Variants in ZNF608 observed in about 807,000 individuals in gnomAD.
ZNF608 encodes the protein zinc finger protein 608, also known as renal carcinoma antigen NY-REN-36.
Under a neutral mutation model 109.0 loss-of-function variants are expected in ZNF608, and 12 were observed. The ratio of observed to expected loss-of-function variants is 0.11; its 90% CI spans 0.07 to 0.18. ZNF608 has a LOEUF of 0.18. Among genes scored for constraint, ZNF608 ranks in the 10% least tolerant of loss-of-function variants. The probability of loss-of-function intolerance (pLI) is 1.00; values close to 1 mark genes in which losing one functional copy is unlikely to be tolerated. For synonymous variants in ZNF608, 732 were observed against 717.4 expected (o/e 1.02, Z -0.33); for missense variants, 1,707 against 1,879.3 (o/e 0.91, Z 1.70).
In ZNF608 at chr5:124,646,091, G is replaced by A. The variant is rs553078252; in HGVS notation, c.3705+588C>T. ...AAATTAAGGGATCCTGGCCAGGCGC[G>A]GTGGCTCACGCCTGTAATCCCAGCA... On this transcript the variant is annotated intron_variant, in intron 5 of 9. Coordinates refer to ENST00000513986, the MANE Select transcript of ZNF608 (RefSeq NM_020747.3). Among the ~76,000 whole-genome samples the A allele has an allele frequency of 3.9e-5, 6 of 152,278 alleles. No homozygotes were observed. The East Asian group carries it at 5.8e-4, about 15-fold the overall frequency.
intron 3 of ZNF608, among the ~76,000 whole-genome samples, chr5:124,679,604 C>A (rs996133768): frequency 2.0e-5 from 3 of 152,180 alleles, no homozygotes; most frequent in Middle Eastern, 3.2e-3. Context: ...CTTTTACAGT[C>A]TCCACTCAAG....
chr5:124,652,767 CCA>C (rs1750848318), intron 3 of ZNF608, among the ~76,000 whole-genome samples: 1 of 152,002 alleles, frequency 6.6e-6, no homozygotes, highest in Non-Finnish European at 1.5e-5. Flanking sequence ...ATTTTATAAC[CCA>C]CAGTCACATA....
intron 2 of ZNF608, among the ~76,000 whole-genome samples, chr5:124,707,258 C>G (rs556302630): frequency 1.3e-5 from 2 of 152,270 alleles, no homozygotes; most frequent in South Asian, 4.1e-4. Context: ...TCCACCCAGA[C>G]CCAACAAAGA....
chr5:124,638,851 C>G, intron 9 of ZNF608: 1 of 1,138,420 alleles, frequency 8.8e-7, no homozygotes, highest in Non-Finnish European at 1.1e-6. Context: ...CAAAGGGAGT[C>G]ATGGTGAATT....
intron 2 of ZNF608, among the ~76,000 whole-genome samples, chr5:124,741,816 G>A (rs1749420769): frequency 6.6e-6 from 1 of 152,156 alleles, no homozygotes; most frequent in Non-Finnish European, 1.5e-5. Flanking sequence ...TCATTCTCAG[G>A]GTGAAGTGGG....
At chr5:124,729,019 T>G (rs1202129693) in intron 2 of ZNF608, among the ~76,000 whole-genome samples, 1 of 152,132 alleles carries the variant, frequency 6.6e-6, no homozygotes, top group Non-Finnish European at 1.5e-5. Flanking sequence ...TATTCTAACT[T>G]TACAAAAGGG....
upstream of ZNF608, among the ~76,000 whole-genome samples, chr5:124,748,176 G>C (rs1047394805): frequency 2.0e-4 from 30 of 152,226 alleles, no homozygotes; most frequent in East Asian, 5.2e-3. Flanking sequence ...TTCCTGGATC[G>C]CTTTGGGAGG....
Position 124,649,049 on chromosome 5 carries a change from C to T in ZNF608, c.1335G>A (p.Pro445=), listed in dbSNP as rs369055811. The T allele has an allele frequency of 1.9e-6, 3 of 1,613,940 alleles. No homozygotes were observed. Among genetic ancestry groups the T allele is most frequent in the African/African-American group, 1.3e-5 (1 of 74,896 alleles). The change falls in exon 5 of 10, where the codon CCG becomes CCA. Residue 445 remains proline, a synonymous_variant. Coordinates refer to ENST00000513986, the MANE Select transcript of ZNF608 (RefSeq NM_020747.3). ...ACTCTGTGAAGCTGGCCTCGGAGCC[C>T]GGGGCAGCAGCAGCAGACCTCGCTC... is the stretch of plus-strand genomic sequence containing the variant. The part of the protein sequence containing the change: ...GKRARSAAAA[P]GSEASFTESR...
chr5:124,710,130 T>C, intron 2 of ZNF608: 1 of 434,788 alleles, frequency 2.3e-6, no homozygotes, highest in Non-Finnish European at 4.5e-6. Context: ...CCCTTATTTC[T>C]CCTTGAAATT....
Position 124,701,392 on chromosome 5 carries a change from T to C in ZNF608, c.907-123A>G, listed in dbSNP as rs1216060776. 2.3e-6 allele frequency: 3 copies of C among 1,291,930 alleles called. No homozygotes were observed. In the Admixed American group the frequency reaches 6.9e-5, roughly 30 times the overall value. The allele number at this position is 1,291,930 out of a possible 1,614,324, so 80.0% of individuals were successfully genotyped here. ...AATTCCATTTGCAATTATAATATGC[T>C]TTGAGTGTTTTAATGGTGCCAAAAT... On this transcript the variant is annotated intron_variant, in intron 2 of 9. Coordinates refer to ENST00000513986, the MANE Select transcript of ZNF608 (RefSeq NM_020747.3).
At chr5:124,691,721 G>A (rs976062681) in intron 3 of ZNF608, among the ~76,000 whole-genome samples, 2 of 152,164 alleles carry the variant, frequency 1.3e-5, no homozygotes, top group African/African-American at 2.4e-5. Context: ...AAATGAGCCA[G>A]TCACATAATT....
chr5:124,713,901 T>C (rs1753595561), intron 2 of ZNF608, among the ~76,000 whole-genome samples: 1 of 152,018 alleles, frequency 6.6e-6, no homozygotes, highest in Non-Finnish European at 1.5e-5. Context: ...GAATGAAAAA[T>C]AATAATAAAT....
chr5:124,685,619 A>G (rs557117280), intron 3 of ZNF608, among the ~76,000 whole-genome samples: 260 of 109,116 alleles, frequency 2.4e-3, no homozygotes, highest in African/African-American at 6.3e-3. Flanking sequence ...AATCTAGAGG[A>G]AAAAAAAAAA....
chr5:124,693,597 C>G (rs984814038), intron 3 of ZNF608, among the ~76,000 whole-genome samples: 2 of 152,216 alleles, frequency 1.3e-5, no homozygotes, highest in East Asian at 1.9e-4. Context: ...AATGTCACCA[C>G]GAAAATATAT....
intron 2 of ZNF608, among the ~76,000 whole-genome samples, chr5:124,732,867 GC>G (rs1445824286): frequency 6.6e-6 from 1 of 152,062 alleles, no homozygotes; most frequent in Non-Finnish European, 1.5e-5. Flanking sequence ...AAGTCTTCTA[GC>G]CCCTCTCTCA....
intron 3 of ZNF608, among the ~76,000 whole-genome samples, chr5:124,697,333 T>C (rs1025646464): frequency 9.9e-5 from 15 of 151,922 alleles, no homozygotes; most frequent in Admixed American, 5.2e-4. Context: ...TTACACATAT[T>C]GCTATATACA....
chr5:124,639,031 C>A, intron 9 of ZNF608, 102 bp downstream of exon 9: 3 of 1,133,878 alleles, frequency 2.6e-6, no homozygotes, highest in East Asian at 2.6e-5. Flanking sequence ...TGATATAAAA[C>A]CCAAGGAGTT....
intron 3 of ZNF608, among the ~76,000 whole-genome samples, chr5:124,688,974 A>G (rs1354141627): frequency 6.6e-6 from 1 of 152,254 alleles, no homozygotes; most frequent in Non-Finnish European, 1.5e-5. Context: ...ACAAAAAGTC[A>G]ATCAATTTCC....
At chr5:124,723,554 G>C (rs997816646) in intron 2 of ZNF608, among the ~76,000 whole-genome samples, 9 of 152,148 alleles carry the variant, frequency 5.9e-5, no homozygotes, top group Admixed American at 2.0e-4. Flanking sequence ...CAGTCATGGT[G>C]GTGGGCACCT....
Sources: allele counts gnomAD v4.1 joint callset (sites outside exome capture counted in the v4.1 genomes callset), GRCh38; gene constraint gnomAD v4.1.1; transcripts MANE v1.5; gene names NCBI Gene and HGNC (gene_info 2026-07-23, HGNC 2026-07-21).